PLIN2: variants seen among roughly 807,000 people sequenced by gnomAD.
PLIN2 encodes the protein perilipin-2.
In PLIN2, 33 loss-of-function variants were observed where a neutral mutation model predicts 30.6. That is an observed-to-expected ratio of 1.08 (90% CI 0.82 to 1.44). The LOEUF is 1.44. Among genes scored for constraint, PLIN2 ranks in the 40% most tolerant of loss-of-function variants. PLIN2 has a pLI of 0.00. For missense variants in PLIN2, 610 were observed against 531.8 expected (o/e 1.15, Z -1.45); for synonymous variants, 205 against 201.1 (o/e 1.02, Z -0.16).
rs1818217864 is a variant in PLIN2, at chr9:19,116,154, G to A, written c.*94C>T. 3.2e-6 allele frequency: 4 copies of A among 1,261,360 alleles called. No individual in the cohort carries two copies. Among genetic ancestry groups the A allele is most frequent in the Non-Finnish European group, 4.4e-6 (4 of 916,688 alleles). 78.1% of individuals were successfully genotyped at this position (1,261,360 alleles called of 1,614,324 possible). On this transcript the variant is annotated 3_prime_UTR_variant, in exon 8 of 8. Coordinates refer to ENST00000276914, the MANE Select transcript of PLIN2 (RefSeq NM_001122.4). ...TTGAGGGCCTTTATACTAGCTACTT[G>A]CTTCCCAATTTAGGGTTGCCTAGCA...
Position 19,116,617 on chromosome 9 carries a change from G to T in PLIN2, c.945C>A (p.Arg315=), listed in dbSNP as rs1818232000. ...HIESRTLAIA[R]NLTQQLQTTC... is the part of the protein sequence containing the mutation. ...TGGTCTGGAGCTGCTGAGTCAGGTT[G>T]CGGGCAATTGCAAGAGTACGTGACT... The change falls in exon 8 of 8, where the codon CGC becomes CGA. Residue 315 remains arginine (R), a synonymous_variant. Transcript: ENST00000276914. 6.2e-7 allele frequency: 1 copy of T among 1,613,556 alleles called. No individual in the cohort carries two copies.
chr9:19,125,274 C>T (rs772708252), intron 3 of PLIN2, among the ~76,000 whole-genome samples: 2 of 152,210 alleles, frequency 1.3e-5, no homozygotes, highest in Non-Finnish European at 2.9e-5. Context: ...CATTCATGGC[C>T]AGGCATGGTG....
chr9:19,118,273 A>AT (rs747411622), intron 7 of PLIN2, 48 bp downstream of exon 7: 3 of 1,534,228 alleles, frequency 2.0e-6, no homozygotes, highest in Middle Eastern at 1.7e-4. Flanking sequence ...GAAAAGTCTG[A>AT]TAAGAACTTC....
intron 7 of PLIN2, 71 bp from the exon 8 acceptor site, chr9:19,116,720 C>G (rs1564029400): frequency 7.6e-7 from 1 of 1,320,840 alleles, no homozygotes; most frequent in Admixed American, 1.8e-5. Context: ...TGACAGTAGG[C>G]TGGTTATGTG....
chr9:19,115,604 G>A (rs916495513), downstream of PLIN2, among the ~76,000 whole-genome samples: 4 of 152,028 alleles, frequency 2.6e-5, no homozygotes, highest in African/African-American at 9.7e-5. Context: ...ACAGCACCCG[G>A]CCAAGCATCC....
exon 3 of PLIN2, chr9:19,108,642 G>A (rs930752265): frequency 7.9e-5 from 12 of 152,592 alleles, no homozygotes; most frequent in Admixed American, 1.3e-4. Context: ...GAGAGGACAG[G>A]GCCATTAGCA....
rs374159610 is a variant in PLIN2, at chr9:19,110,545, G to A, written n.418-1798C>T. On this transcript the variant is annotated intron_variant and non_coding_transcript_variant, in intron 2 of 2. Transcript: ENST00000464326. The stretch of plus-strand genomic sequence containing the variant: ...GGCTGGAGTGCAGTGGTGCAAACTC[G>A]GTTCACTACAACCTCCACCTCCCAG... Among the ~76,000 whole-genome samples, 220 of 151,962 alleles carry A rather than the reference G, an allele frequency of 1.4e-3. 1 individual carries two copies. Among genetic ancestry groups the A allele is most frequent in the African/African-American group, 5.0e-3 (209 of 41,452 alleles).
intron 3 of PLIN2, 76 bp downstream of exon 3, chr9:19,126,038 A>T: frequency 7.9e-7 from 1 of 1,263,676 alleles, no homozygotes; most frequent in East Asian, 2.3e-5. Context: ...GAGGAGTTCC[A>T]GATGTTACTG....
chr9:19,116,246 GT>G lies in PLIN2; in HGVS notation c.*1del, dbSNP rs1818219450. The stretch of plus-strand genomic sequence containing the variant: ...CAGCATGCACTAGTGATAGGGGCAG[GT>G]TTAATGAGTTTTATGCTCAGATCGC... On this transcript the variant is annotated 3_prime_UTR_variant, in exon 8 of 8. Coordinates refer to ENST00000276914, the MANE Select transcript of PLIN2 (RefSeq NM_001122.4). The G allele has an allele frequency of 6.3e-7, 1 of 1,575,598 alleles. No individual in the cohort carries two copies. Among genetic ancestry groups the G allele is most frequent in the Admixed American group, 1.8e-5 (1 of 56,092 alleles).
chr9:19,118,653 A>G (rs566520791), intron 6 of PLIN2, among the ~76,000 whole-genome samples, 198 bp from the exon 7 acceptor site: 1 of 152,326 alleles, frequency 6.6e-6, no homozygotes, highest in East Asian at 1.9e-4. Flanking sequence ...TACTGCCTCT[A>G]TTTAACTATT....
At chr9:19,126,513 A>G (rs1428158954) in intron 1 of PLIN2, 65 bp from the exon 2 acceptor site, 2 of 1,032,718 alleles carry the variant, frequency 1.9e-6, no homozygotes, top group Admixed American at 1.9e-5. Context: ...TCCCCAACCC[A>G]AGCAAATGCT....
At position 19,116,058 on chromosome 9, in the gene PLIN2, C is replaced by T. The variant is rs1043299010; in HGVS notation, c.*190G>A. The T allele has an allele frequency of 4.0e-6, 2 of 502,646 alleles. No individual in the cohort carries two copies. Among genetic ancestry groups the T allele is most frequent in the Middle Eastern group, 5.2e-4 (1 of 1,930 alleles). 31.1% of individuals were successfully genotyped at this position (502,646 alleles called of 1,614,324 possible). A position where few individuals can be genotyped will look rare whatever the true frequency, so the allele number is the denominator to read the frequency against. On this transcript the variant is annotated 3_prime_UTR_variant, in exon 8 of 8. Transcript: ENST00000276914. ...TGACAAGCCTATCATTCTTTTCTTA[C>T]CAGGTGAACAGAAATCATCTGCTAA...
chr9:19,109,723 T>C (rs530386754), intron 2 of PLIN2, among the ~76,000 whole-genome samples: 9 of 151,852 alleles, frequency 5.9e-5, no homozygotes, highest in Admixed American at 1.3e-4. Flanking sequence ...ATCCCAACAC[T>C]TTGGCAGGTG....
intron 1 of PLIN2, 96 bp from the exon 2 acceptor site, chr9:19,126,544 G>C: frequency 2.5e-6 from 2 of 789,940 alleles, no homozygotes; most frequent in Non-Finnish European, 4.3e-6. Flanking sequence ...AGAGAAAAAT[G>C]CAGGGTGAGC....
At chr9:19,126,882 A>C (rs1818409735) in intron 1 of PLIN2, among the ~76,000 whole-genome samples, 1 of 152,086 alleles carries the variant, frequency 6.6e-6, no homozygotes, top group South Asian at 2.1e-4. Flanking sequence ...TCTCTTCTAA[A>C]AATACAAAAA....
chr9:19,109,947 C>T (rs1818137316), intron 2 of PLIN2, among the ~76,000 whole-genome samples: 1 of 148,834 alleles, frequency 6.7e-6, no homozygotes, highest in South Asian at 2.1e-4. Context: ...CAGAGCAAGA[C>T]ACTGTTTACA....
rs1216722707 is a variant in PLIN2, at chr9:19,116,613, G to A, written c.949C>T (p.Leu317=). The A allele has an allele frequency of 5.0e-6, 8 of 1,613,696 alleles. No homozygotes were observed. The highest frequency in any genetic ancestry group is 5.9e-6 in the Non-Finnish European group (7 of 1,179,662). The change falls in exon 8 of 8, where the codon CTG becomes TTG. Residue 317 remains leucine (L), a synonymous_variant. Coordinates refer to ENST00000276914, the MANE Select transcript of PLIN2 (RefSeq NM_001122.4). The stretch of plus-strand genomic sequence containing the variant: ...CACGTGGTCTGGAGCTGCTGAGTCA[G>A]GTTGCGGGCAATTGCAAGAGTACGT... ...ESRTLAIARN[L]TQQLQTTCHT...
chr9:19,120,582 C>T (rs370289160), intron 5 of PLIN2, among the ~76,000 whole-genome samples: 21 of 152,270 alleles, frequency 1.4e-4, no homozygotes, highest in East Asian at 5.8e-4. Context: ...TGGTTGCTCA[C>T]ATCTGTAATC....
intron 3 of PLIN2, among the ~76,000 whole-genome samples, chr9:19,124,708 C>G (rs1185513130): frequency 6.6e-6 from 1 of 152,110 alleles, no homozygotes; most frequent in Non-Finnish European, 1.5e-5. Flanking sequence ...TATTATATAA[C>G]CCAGCAATTC....
Sources: gnomAD v4.1 joint callset for allele counts (sites outside exome capture counted in the v4.1 genomes callset) on GRCh38, gnomAD v4.1.1 for gene constraint, MANE v1.5 for transcripts, NCBI Gene and HGNC (gene_info 2026-07-23, HGNC 2026-07-21) for gene names.